The following CHST9 variants were observed in gnomAD, a reference collection of about 807,000 sequenced individuals.
CHST9 encodes the protein carbohydrate sulfotransferase 9.
CHST9 carries 41 observed loss-of-function variants against 44.4 expected under a neutral mutation model. The ratio of observed to expected loss-of-function variants is 0.92; its 90% CI spans 0.72 to 1.20. CHST9 has a LOEUF of 1.20. CHST9 is among the 50% of genes most tolerant of loss of function. The pLI, the probability that CHST9 is intolerant of heterozygous loss-of-function variation, is 0.00. For missense variants in CHST9, 504 were observed against 516.5 expected, an observed-to-expected ratio of 0.98 and a Z score of 0.23; for synonymous variants, 171 against 178.4, an observed-to-expected ratio of 0.96 and a Z score of 0.33.
At chr18:26,946,557 G>C (rs2056166189) in intron 4 of CHST9, among the ~76,000 whole-genome samples, 1 of 152,194 alleles carries the variant, frequency 6.6e-6, no homozygotes, top group Non-Finnish European at 1.5e-5. Flanking sequence ...AGGGGATTCA[G>C]GCAAGTGCAC....
At chr18:27,154,299 C>T (rs1484656843) in intron 1 of CHST9, among the ~76,000 whole-genome samples, 2 of 151,852 alleles carry the variant, frequency 1.3e-5, no homozygotes, top group Non-Finnish European at 2.9e-5. Flanking sequence ...TTCACAATAA[C>T]CTTGTTTTCT....
At chr18:27,169,986 T>C (rs1598776792) in intron 1 of CHST9, among the ~76,000 whole-genome samples, 1 of 152,202 alleles carries the variant, frequency 6.6e-6, no homozygotes, top group East Asian at 1.9e-4. Context: ...TCCATTTTTA[T>C]AAAAGTCAAA....
At chr18:27,097,953 G>C (rs2058133783) in intron 2 of CHST9, among the ~76,000 whole-genome samples, 1 of 151,892 alleles carries the variant, frequency 6.6e-6, no homozygotes, top group Admixed American at 6.6e-5. Context: ...TATCTCTTTT[G>C]GTACCAGTAT....
intron 4 of CHST9, among the ~76,000 whole-genome samples, chr18:26,993,263 T>C (rs1676975445): frequency 1.3e-5 from 2 of 152,204 alleles, no homozygotes; most frequent in South Asian, 4.1e-4. Flanking sequence ...CACTTCATAG[T>C]AAAAACACTT....
intron 3 of CHST9, among the ~76,000 whole-genome samples, chr18:27,024,411 A>AAG (rs769998925): frequency 1.3e-4 from 20 of 152,060 alleles, no homozygotes; most frequent in Non-Finnish European, 2.1e-4. Context: ...TTGAGCCTGT[A>AAG]CTCTTTATGG....
At chr18:26,958,784 C>A (rs1192039971) in intron 4 of CHST9, among the ~76,000 whole-genome samples, 1 of 152,140 alleles carries the variant, frequency 6.6e-6, no homozygotes, top group Non-Finnish European at 1.5e-5. Context: ...GCATCTCATG[C>A]CAGTTAGAAT....
chr18:26,952,429 T>C, intron 4 of CHST9: 3 of 425,514 alleles, frequency 7.1e-6, no homozygotes, highest in Middle Eastern at 9.0e-4. Flanking sequence ...ACCATAGTTT[T>C]TACCGGAGGG....
chr18:27,064,277 A>G (rs2057757726), intron 2 of CHST9, among the ~76,000 whole-genome samples: 2 of 151,966 alleles, frequency 1.3e-5, no homozygotes, highest in South Asian at 4.2e-4. Flanking sequence ...GCGAAAAAAA[A>G]AAAATCAGCT....
chr18:27,110,378 T>C (rs2058260833), intron 2 of CHST9, among the ~76,000 whole-genome samples: 1 of 152,194 alleles, frequency 6.6e-6, no homozygotes, highest in African/African-American at 2.4e-5. Context: ...GGGTACTTTA[T>C]AAAAACCAGA....
At chr18:26,991,054 GC>G (rs2056810230) in intron 4 of CHST9, among the ~76,000 whole-genome samples, 1 of 152,206 alleles carries the variant, frequency 6.6e-6, no homozygotes, top group East Asian at 1.9e-4. Context: ...GGGGACCTAT[GC>G]AGTCTCTGAA....
intron 4 of CHST9, among the ~76,000 whole-genome samples, chr18:27,018,456 A>G (rs148339646): frequency 5.9e-5 from 9 of 152,266 alleles, no homozygotes; most frequent in African/African-American, 2.2e-4. Context: ...AAAGAAAAAA[A>G]CCCAACAACT....
At chr18:27,179,997 G>A (rs1286172001) in intron 1 of CHST9, among the ~76,000 whole-genome samples, 1 of 152,016 alleles carries the variant, frequency 6.6e-6, no homozygotes, top group Non-Finnish European at 1.5e-5. Context: ...TATATCAATG[G>A]TATTTACTCT....
At chr18:27,048,440 T>A (rs1303122126) in intron 3 of CHST9, 25 bp downstream of exon 3, 2 of 1,582,448 alleles carry the variant, frequency 1.3e-6, no homozygotes. Flanking sequence ...GAAATAAAGC[T>A]GGAGCCCATT....
chr18:26,979,063 A>G (rs2056660711), intron 4 of CHST9, among the ~76,000 whole-genome samples: 2 of 151,732 alleles, frequency 1.3e-5, no homozygotes, highest in Admixed American at 1.3e-4. Flanking sequence ...ATGTCGGGGC[A>G]CAGAAGGGTC....
chr18:26,978,882 G>C (rs2056657658), intron 4 of CHST9, among the ~76,000 whole-genome samples: 1 of 152,186 alleles, frequency 6.6e-6, no homozygotes, highest in African/African-American at 2.4e-5. Context: ...GCTGAACAGA[G>C]TGGGTTCCCT....
At chr18:26,957,099 C>G (rs139485157) in intron 4 of CHST9, among the ~76,000 whole-genome samples, 1 of 152,120 alleles carries the variant, frequency 6.6e-6, no homozygotes, top group African/African-American at 2.4e-5. Context: ...CTGTATTTAT[C>G]GAGCGATGCC....
chr18:27,141,749 A>G (rs2058569686), intron 2 of CHST9, among the ~76,000 whole-genome samples: 1 of 151,472 alleles, frequency 6.6e-6, no homozygotes, highest in African/African-American at 2.4e-5. Flanking sequence ...ACTTAAAAAA[A>G]AAAAAAAAAA....
chr18:27,157,589 G>A (rs2058707619), intron 1 of CHST9, among the ~76,000 whole-genome samples: 1 of 152,008 alleles, frequency 6.6e-6, no homozygotes, highest in African/African-American at 2.4e-5. Flanking sequence ...AATTAAATCC[G>A]CAAAAATATC....
intron 4 of CHST9, among the ~76,000 whole-genome samples, chr18:26,961,040 A>C (rs1568110455): frequency 2.6e-5 from 4 of 152,216 alleles, no homozygotes. Flanking sequence ...CAGTTCTCCC[A>C]GCACTTCTGT....
Sources: allele counts gnomAD v4.1 joint callset (sites outside exome capture counted in the v4.1 genomes callset), GRCh38; gene constraint gnomAD v4.1.1; transcripts MANE v1.5; gene names NCBI Gene and HGNC (gene_info 2026-07-23, HGNC 2026-07-21).